C8orf34: variants seen among roughly 807,000 people sequenced by gnomAD.
C8orf34 encodes the protein chromosome 8 open reading frame 34.
C8orf34 carries 65 observed loss-of-function variants against 68.3 expected under a neutral mutation model. That is an observed-to-expected ratio of 0.95 (90% confidence interval 0.78 to 1.17). The LOEUF (loss-of-function observed/expected upper bound fraction) is 1.17, where lower values mean the gene tolerates loss of function less well. C8orf34 is among the 50% of genes most tolerant of loss of function. The pLI is 0.00. For missense variants in C8orf34, 664 were observed against 655.4 expected (o/e 1.01, Z -0.14); for synonymous variants, 244 against 241.2 (o/e 1.01, Z -0.11).
At chr8:68,631,665 G>A (rs959991674) in intron 7 of C8orf34, among the ~76,000 whole-genome samples, 1 of 152,150 alleles carries the variant, frequency 6.6e-6, no homozygotes, top group Non-Finnish European at 1.5e-5. Flanking sequence ...TGTGTGGAGG[G>A]AAGGACCTGG....
chr8:68,715,844 T>C (rs114086795), intron 9 of C8orf34, among the ~76,000 whole-genome samples: 3,874 of 152,222 alleles, frequency 0.025, 158 homozygotes, highest in African/African-American at 0.086. Context: ...GAAGCCATTA[T>C]ATGAAAAAGA....
chr8:68,681,319 G>T (rs546951136), intron 8 of C8orf34, among the ~76,000 whole-genome samples: 22 of 152,220 alleles, frequency 1.4e-4, no homozygotes, highest in African/African-American at 5.3e-4. Flanking sequence ...AGTATTATTT[G>T]GGAACTGATA....
chr8:68,811,643 C>T (rs966952312), intron 12 of C8orf34, among the ~76,000 whole-genome samples: 1 of 152,198 alleles, frequency 6.6e-6, no homozygotes, highest in African/African-American at 2.4e-5. Flanking sequence ...TCATAGCATT[C>T]CATTTCTCCT....
At position 68,456,278 on chromosome 8, in the gene C8orf34, T is replaced by C. The variant is rs141012067; in HGVS notation, c.607+9818T>C. 7.2e-4 allele frequency among the ~76,000 whole-genome samples: 110 copies of C among 151,868 alleles called. 1 individual carries two copies. Among genetic ancestry groups the C allele is most frequent in the African/African-American group, 2.5e-3 (103 of 41,416 alleles). Reference sequence around the variant, plus strand: ...CTGAAAAAAAAAAAAATTTTCTGTCTAAAATTTACTTAAAATAGCTACTAT... The same window carrying C: ...CTGAAAAAAAAAAAAATTTTCTGTCCAAAATTTACTTAAAATAGCTACTAT... On this transcript the variant is annotated intron_variant, in intron 3 of 13. Coordinates refer to ENST00000518698, the MANE Select transcript of C8orf34 (RefSeq NM_052958.4).
chr8:68,368,077 A>G (rs925398401), intron 1 of C8orf34, among the ~76,000 whole-genome samples: 1 of 152,110 alleles, frequency 6.6e-6, no homozygotes, highest in African/African-American at 2.4e-5. Flanking sequence ...TAAAAGTGTG[A>G]TGTTGGAGGA....
At chr8:68,662,569 A>G (rs1819713671) in intron 8 of C8orf34, among the ~76,000 whole-genome samples, 1 of 152,202 alleles carries the variant, frequency 6.6e-6, no homozygotes, top group Non-Finnish European at 1.5e-5. Flanking sequence ...GCTGCCATGT[A>G]CGATGTGTCT....
intron 1 of C8orf34, among the ~76,000 whole-genome samples, chr8:68,406,683 A>G (rs1329598326): frequency 2.6e-5 from 4 of 151,858 alleles, no homozygotes; most frequent in African/African-American, 7.3e-5. Context: ...TTTAGTAGAG[A>G]CAGGGTTTCG....
intron 11 of C8orf34, among the ~76,000 whole-genome samples, chr8:68,780,301 A>G (rs1273067111): frequency 6.6e-6 from 1 of 152,142 alleles, no homozygotes; most frequent in African/African-American, 2.4e-5. Flanking sequence ...TGATACACCC[A>G]ATCATCTTTT....
intron 5 of C8orf34, among the ~76,000 whole-genome samples, chr8:68,490,586 G>C (rs1433235393): frequency 6.6e-6 from 1 of 151,762 alleles, no homozygotes; most frequent in Non-Finnish European, 1.5e-5. Flanking sequence ...TAATATTCCT[G>C]TTTTTTGAAG....
intron 8 of C8orf34, among the ~76,000 whole-genome samples, chr8:68,702,301 C>T (rs908005838): frequency 1.3e-5 from 2 of 152,058 alleles, no homozygotes; most frequent in Non-Finnish European, 2.9e-5. Context: ...CTAGATTTTA[C>T]CAATCCAAAG....
At chr8:68,717,531 T>C (rs1235490437) in intron 9 of C8orf34, among the ~76,000 whole-genome samples, 1 of 151,926 alleles carries the variant, frequency 6.6e-6, no homozygotes, top group East Asian at 1.9e-4. Context: ...ATATTGGTTA[T>C]TCTCAAGGTA....
intron 3 of C8orf34, among the ~76,000 whole-genome samples, chr8:68,457,061 T>C (rs1811584474): frequency 6.6e-6 from 1 of 152,200 alleles, no homozygotes; most frequent in Admixed American, 6.5e-5. Flanking sequence ...GAGGTAAATA[T>C]GTTGGTTTAG....
intron 7 of C8orf34, among the ~76,000 whole-genome samples, chr8:68,561,427 A>C (rs1158926497): frequency 1.3e-5 from 2 of 152,158 alleles, no homozygotes; most frequent in Non-Finnish European, 1.5e-5. Flanking sequence ...CAAAATTTTT[A>C]ACTTTTTAAA....
chr8:68,640,097 G>A (rs777828995), intron 7 of C8orf34, among the ~76,000 whole-genome samples: 7 of 152,184 alleles, frequency 4.6e-5, no homozygotes, highest in Non-Finnish European at 8.8e-5. Context: ...GTATGGCAGA[G>A]TTTGTGTGTC....
At chr8:68,757,304 C>T (rs545460828) in intron 10 of C8orf34, among the ~76,000 whole-genome samples, 2 of 152,080 alleles carry the variant, frequency 1.3e-5, no homozygotes, top group Non-Finnish European at 2.9e-5. Context: ...CGGATGTTAA[C>T]CAGCTCACTT....
intron 10 of C8orf34, among the ~76,000 whole-genome samples, chr8:68,747,233 T>C (rs1822532467): frequency 1.3e-5 from 2 of 151,416 alleles, no homozygotes; most frequent in African/African-American, 2.4e-5. Context: ...TGGGACGTAT[T>C]TCAAAATAAT....
chr8:68,504,240 G>A (rs1401991753), intron 5 of C8orf34, among the ~76,000 whole-genome samples: 2 of 152,140 alleles, frequency 1.3e-5, no homozygotes, highest in East Asian at 3.9e-4. Flanking sequence ...TTCAAGGTTT[G>A]TCTATGTTGT....
chr8:68,674,987 A>T (rs896854998), intron 8 of C8orf34, among the ~76,000 whole-genome samples: 1 of 152,042 alleles, frequency 6.6e-6, no homozygotes, highest in Non-Finnish European at 1.5e-5. Context: ...ACAGGCCAGG[A>T]GACCATGGCA....
At chr8:68,646,113 T>G (rs1819164049) in intron 8 of C8orf34, among the ~76,000 whole-genome samples, 1 of 152,170 alleles carries the variant, frequency 6.6e-6, no homozygotes, top group Non-Finnish European at 1.5e-5. Flanking sequence ...TTTCTCTTGT[T>G]ACCTTGTCTT....
Sources: allele counts gnomAD v4.1 joint callset (sites outside exome capture counted in the v4.1 genomes callset), GRCh38; gene constraint gnomAD v4.1.1; transcripts MANE v1.5; gene names NCBI Gene and HGNC (gene_info 2026-07-23, HGNC 2026-07-21).